Variants in NRDC observed in about 807,000 individuals in gnomAD.
NRDC encodes nardilysin.
Under a neutral mutation model 147.1 loss-of-function variants are expected in NRDC, and 54 were observed. That is an observed-to-expected ratio of 0.37 (90% CI 0.29 to 0.46). NRDC has a LOEUF of 0.46. Among genes scored for constraint, NRDC ranks in the 20% least tolerant of loss-of-function variants. The pLI is 1.00. For synonymous variants in NRDC, 440 were observed against 482.1 expected (o/e 0.91, Z 1.14); for missense variants, 1,082 against 1,370.6 (o/e 0.79, Z 3.33).
intron 20 of NRDC, among the ~76,000 whole-genome samples, 177 bp downstream of exon 20, chr1:51,803,637 T>C (rs1308104325): frequency 6.6e-6 from 1 of 152,202 alleles, no homozygotes; most frequent in Non-Finnish European, 1.5e-5. Context: ...TAATGAAACA[T>C]ATGTTGTTCT....
intron 17 of NRDC, among the ~76,000 whole-genome samples, chr1:51,808,209 G>A (rs896622008): frequency 3.9e-5 from 6 of 152,066 alleles, no homozygotes; most frequent in Non-Finnish European, 8.8e-5. Flanking sequence ...ATACATTCAC[G>A]ATGTTGTGCA....
chr1:51,822,536 G>A (rs1423609614), intron 7 of NRDC, among the ~76,000 whole-genome samples: 2 of 152,032 alleles, frequency 1.3e-5, no homozygotes, highest in Non-Finnish European at 2.9e-5. Flanking sequence ...GCAAAACCCT[G>A]TCTTGCTAAA....
chr1:51,812,961 C>CAAAAAA (rs5774107), intron 14 of NRDC, among the ~76,000 whole-genome samples: 12 of 71,806 alleles, frequency 1.7e-4, no homozygotes, highest in African/African-American at 2.5e-4. Flanking sequence ...GACTCTGTCT[C>CAAAAAA]AAAAAAAAAA....
intron 22 of NRDC, among the ~76,000 whole-genome samples, chr1:51,796,329 C>T (rs560106032): frequency 4.5e-4 from 69 of 151,888 alleles, no homozygotes; most frequent in Admixed American, 2.5e-3. Flanking sequence ...ACCTCTGCCT[C>T]CCAGGCTCAA....
chr1:51,834,965 GA>G (rs1319491318), intron 3 of NRDC, among the ~76,000 whole-genome samples: 5 of 151,976 alleles, frequency 3.3e-5, no homozygotes, highest in Non-Finnish European at 5.9e-5. Flanking sequence ...AAATACTTTA[GA>G]AAACCAGACC....
Position 51,838,154 on chromosome 1 carries a change from G to A in NRDC, c.631-1942C>T, listed in dbSNP as rs115693635. 4.7e-3 allele frequency among the ~76,000 whole-genome samples: 714 copies of A among 152,134 alleles called. 2 individuals carry two copies. The highest frequency in any genetic ancestry group is 9.6e-3 in the South Asian group (46 of 4,810). On this transcript the variant is annotated intron_variant, in intron 2 of 30. Transcript: ENST00000352171. ...CAAACTACTTAGGTTCCACTGTCCC[G>A]GTAGGATAATCCATAAAATTAGCTG...
At chr1:51,876,248 C>G (rs887554569) in intron 1 of NRDC, among the ~76,000 whole-genome samples, 1 of 152,162 alleles carries the variant, frequency 6.6e-6, no homozygotes, top group Non-Finnish European at 1.5e-5. Context: ...TCAACTTGCT[C>G]ATTTATACAT....
rs765550161 is a variant in NRDC, at chr1:51,810,261, C to A, written c.1903+20G>T. The A allele has an allele frequency of 5.1e-6, 8 of 1,553,592 alleles. No homozygotes were observed. The highest frequency in any genetic ancestry group is 4.6e-5 in the East Asian group (2 of 43,072). The stretch of plus-strand genomic sequence containing the variant: ...AAGTTAAATATACCTAAATGTAAGA[C>A]AATTGTTAAAATATTTTACCTTCTA... On this transcript the variant is annotated intron_variant, in intron 16 of 30. Coordinates refer to ENST00000352171, the MANE Select transcript of NRDC (RefSeq NM_001101662.2).
intron 1 of NRDC, among the ~76,000 whole-genome samples, chr1:51,870,433 C>A (rs1683027608): frequency 6.6e-6 from 1 of 152,178 alleles, no homozygotes; most frequent in South Asian, 2.1e-4. Context: ...TTTTCATGCT[C>A]AAGAACCCAC....
chr1:51,838,933 A>C (rs1299830907), intron 2 of NRDC, among the ~76,000 whole-genome samples: 2 of 152,126 alleles, frequency 1.3e-5, no homozygotes, highest in Non-Finnish European at 2.9e-5. Context: ...AAAACTATTT[A>C]ATACTTGGTC....
chr1:51,829,605 TCAA>T (rs1680611772), intron 4 of NRDC, among the ~76,000 whole-genome samples: 1 of 152,230 alleles, frequency 6.6e-6, no homozygotes, highest in Non-Finnish European at 1.5e-5. Flanking sequence ...GATCAACCCT[TCAA>T]CTGTTGTCTC....
intron 29 of NRDC, among the ~76,000 whole-genome samples, chr1:51,790,215 CA>C (rs113912828): frequency 6.6e-6 from 1 of 152,168 alleles, no homozygotes; most frequent in Non-Finnish European, 1.5e-5. Flanking sequence ...TCCGTAAAGA[CA>C]AAGAGTCCTC....
rs79506273 is a variant in NRDC at position 51,844,933 on chromosome 1, G to A, written c.342-4419C>T. ...TGATCTTGAACTTCTAGACCCCAGA[G>A]CTGTTATTTAAGCTACTCTGTCTTT... is the stretch of plus-strand genomic sequence containing the variant. On this transcript the variant is annotated intron_variant, in intron 1 of 30. Coordinates refer to ENST00000352171, the MANE Select transcript of NRDC (RefSeq NM_001101662.2). 7.2e-3 allele frequency among the ~76,000 whole-genome samples: 1,094 copies of A among 152,028 alleles called. 14 individuals carry two copies. Among genetic ancestry groups the A allele is most frequent in the African/African-American group, 0.025 (1,050 of 41,444 alleles).
rs186679360 is a variant in NRDC at position 51,800,103 on chromosome 1, T to C, written c.2441+453A>G. 1.2e-4 allele frequency among the ~76,000 whole-genome samples: 19 copies of C among 152,314 alleles called. No homozygotes were observed. The East Asian group carries it at 2.3e-3, about 19-fold the overall frequency. ...AATCCTCCCACCTCAGTCTGCCAAG[T>C]AGCTGGGACTACAGGCATGTGCCAC... On this transcript the variant is annotated intron_variant, in intron 21 of 30. Transcript: ENST00000352171.
chr1:51,845,914 T>C (rs1361403016), intron 1 of NRDC, among the ~76,000 whole-genome samples: 1 of 151,882 alleles, frequency 6.6e-6, no homozygotes, highest in African/African-American at 2.4e-5. Context: ...AGGTACTTAA[T>C]ATCTACTTAA....
chr1:51,852,517 TTATA>T (rs1187728824), intron 1 of NRDC, among the ~76,000 whole-genome samples: 7 of 84,030 alleles, frequency 8.3e-5, no homozygotes, highest in Non-Finnish European at 1.4e-4. Context: ...AAAACTATAT[TTATA>T]TAGTTTTAAA....
At chr1:51,853,675 T>C (rs72901922) in intron 1 of NRDC, among the ~76,000 whole-genome samples, 3,861 of 152,294 alleles carry the variant, frequency 0.025, 112 homozygotes, top group South Asian at 0.095. Flanking sequence ...GGCTCAGGTG[T>C]CTTAGATAAT....
At chr1:51,837,570 C>A in intron 2 of NRDC, 2 of 1,595,146 alleles carry the variant, frequency 1.3e-6, no homozygotes, top group Non-Finnish European at 1.7e-6. Context: ...TTGACTTAAA[C>A]CACAGTCTAT....
chr1:51,875,035 G>A (rs1325038091), intron 1 of NRDC, among the ~76,000 whole-genome samples: 3 of 152,136 alleles, frequency 2.0e-5, no homozygotes, highest in African/African-American at 7.2e-5. Flanking sequence ...ATGGAAGGAG[G>A]AATTAGTTCT....
Sources: allele counts gnomAD v4.1 joint callset (sites outside exome capture counted in the v4.1 genomes callset), GRCh38; gene constraint gnomAD v4.1.1; transcripts MANE v1.5; gene names NCBI Gene and HGNC (gene_info 2026-07-23, HGNC 2026-07-21).